DPP10: variants seen among roughly 807,000 people sequenced by gnomAD.
DPP10 encodes dipeptidyl peptidase like 10, also known as inactive dipeptidyl peptidase 10.
A neutral mutation model predicts 120.9 loss-of-function variants in DPP10; 33 were observed. The ratio of observed to expected loss-of-function variants is 0.27; its 90% CI spans 0.21 to 0.37. The LOEUF is 0.37. DPP10 is among the 10% of genes least tolerant of loss of function. The probability of loss-of-function intolerance (pLI) is 1.00; values close to 1 mark genes in which losing one functional copy is unlikely to be tolerated. For missense variants in DPP10, 816 were observed against 942.8 expected (o/e 0.87, Z 1.76); for synonymous variants, 337 against 326.1 (o/e 1.03, Z -0.36).
intron 5 of DPP10, among the ~76,000 whole-genome samples, chr2:115,583,390 C>A (rs1043553316): frequency 2.6e-5 from 4 of 152,132 alleles, no homozygotes; most frequent in Admixed American, 1.3e-4. Flanking sequence ...ACGGAGATTG[C>A]TTGATAGTGT....
chr2:114,582,485 G>A (rs1449162733), intron 1 of DPP10, among the ~76,000 whole-genome samples: 1 of 152,186 alleles, frequency 6.6e-6, no homozygotes, highest in East Asian at 1.9e-4. Flanking sequence ...CATATGGTAA[G>A]AGTATGTTTA....
At chr2:115,738,517 A>C (rs1240629839) in intron 8 of DPP10, among the ~76,000 whole-genome samples, 3 of 152,136 alleles carry the variant, frequency 2.0e-5, no homozygotes, top group Non-Finnish European at 4.4e-5. Context: ...GACAGGCATT[A>C]CAAGATTTGA....
At chr2:115,178,569 TAAA>T (rs906242188) in intron 1 of DPP10, among the ~76,000 whole-genome samples, 9 of 152,082 alleles carry the variant, frequency 5.9e-5, no homozygotes, top group African/African-American at 2.2e-4. Flanking sequence ...ATAAAGAAAA[TAAA>T]TTGATGGTTA....
At chr2:114,543,063 C>A (rs1444351045) in intron 1 of DPP10, among the ~76,000 whole-genome samples, 4 of 152,214 alleles carry the variant, frequency 2.6e-5, no homozygotes, top group South Asian at 2.1e-4. Flanking sequence ...CTGAGTTAAT[C>A]CTGCTAGAGG....
In DPP10 at chr2:115,133,768, T is replaced by C. The variant is rs538486352; in HGVS notation, c.61-175471T>C. 1.3e-4 allele frequency among the ~76,000 whole-genome samples: 20 copies of C among 152,292 alleles called. No individual in the cohort carries two copies. In the South Asian group the frequency reaches 3.5e-3, roughly 27 times the overall value. ...AGGTGAAGACCATTTTGGACGCAAATGAGCTAAACTGCTTATCTATTTGTG... is the reference window on the plus strand; with the variant it reads ...AGGTGAAGACCATTTTGGACGCAAACGAGCTAAACTGCTTATCTATTTGTG... On this transcript the variant is annotated intron_variant, in intron 1 of 25. Transcript: ENST00000410059.
At chr2:115,684,079 A>G (rs926260005) in intron 5 of DPP10, among the ~76,000 whole-genome samples, 2 of 151,986 alleles carry the variant, frequency 1.3e-5, no homozygotes, top group African/African-American at 4.8e-5. Flanking sequence ...TTAAGGTTAT[A>G]GTGAACATTA....
At chr2:114,626,198 T>C (rs1388037384) in intron 1 of DPP10, among the ~76,000 whole-genome samples, 1 of 151,830 alleles carries the variant, frequency 6.6e-6, no homozygotes, top group Non-Finnish European at 1.5e-5. Flanking sequence ...CACTACAAAA[T>C]TACCACCACC....
Position 114,840,497 on chromosome 2 carries a change from C to T in DPP10, c.60+397659C>T, listed in dbSNP as rs115349047. 6.6e-3 allele frequency among the ~76,000 whole-genome samples: 1,002 copies of T among 152,084 alleles called. 11 individuals carry two copies. The highest frequency in any genetic ancestry group is 0.022 in the African/African-American group (925 of 41,478). ...CCTCTCCTGCGAACTAAAAAGACCT[C>T]GAATTTTAAAATATAATCAAAACCC... On this transcript the variant is annotated intron_variant, in intron 1 of 25. Coordinates refer to ENST00000410059, the MANE Select transcript of DPP10 (RefSeq NM_020868.6).
intron 1 of DPP10, among the ~76,000 whole-genome samples, chr2:114,514,493 G>A (rs1430100): frequency 0.51 from 77,507 of 151,922 alleles, 20,190 homozygotes; most frequent in Admixed American, 0.62. Context: ...TTAGTTCTCT[G>A]TTTTCCTGGG....
intron 17 of DPP10, among the ~76,000 whole-genome samples, chr2:115,788,172 T>C (rs1227064578): frequency 6.6e-6 from 1 of 152,132 alleles, no homozygotes; most frequent in African/African-American, 2.4e-5. Context: ...TACGTGTAAC[T>C]ACAGCTGTGA....
chr2:114,536,913 A>G (rs936266563), intron 1 of DPP10, among the ~76,000 whole-genome samples: 2 of 152,202 alleles, frequency 1.3e-5, no homozygotes, highest in Non-Finnish European at 2.9e-5. Flanking sequence ...CAAGCTCTCA[A>G]TAAGTTCACC....
chr2:115,557,736 T>A (rs1044241806), intron 5 of DPP10, among the ~76,000 whole-genome samples: 1 of 152,174 alleles, frequency 6.6e-6, no homozygotes, highest in South Asian at 2.1e-4. Context: ...TAAAGAAAGA[T>A]GGATCAAGGT....
intron 1 of DPP10, among the ~76,000 whole-genome samples, chr2:114,945,017 G>C (rs778715781): frequency 1.3e-5 from 2 of 152,134 alleles, no homozygotes; most frequent in East Asian, 3.9e-4. Context: ...AAATGATATT[G>C]GAGAACTTGA....
intron 1 of DPP10, among the ~76,000 whole-genome samples, chr2:115,081,998 A>C (rs1708311905): frequency 6.6e-6 from 1 of 152,144 alleles, no homozygotes; most frequent in African/African-American, 2.4e-5. Flanking sequence ...ATAAATTTCC[A>C]AGTTTTCATT....
chr2:114,897,456 A>G (rs1214700543), intron 1 of DPP10, among the ~76,000 whole-genome samples: 2 of 152,210 alleles, frequency 1.3e-5, no homozygotes, highest in Non-Finnish European at 2.9e-5. Context: ...TCATGTCTAA[A>G]GCACCAAAAG....
chr2:115,501,284 AC>A (rs769254589), intron 4 of DPP10, among the ~76,000 whole-genome samples: 9 of 152,006 alleles, frequency 5.9e-5, no homozygotes, highest in Non-Finnish European at 1.2e-4. Context: ...TTTATTCATT[AC>A]TTTTTTATCT....
intron 7 of DPP10, among the ~76,000 whole-genome samples, chr2:115,712,540 T>TTTTATTTATA (rs778592374): frequency 2.2e-4 from 4 of 18,052 alleles, no homozygotes; most frequent in African/African-American, 4.6e-4. Context: ...GAGTCCTGAA[T>TTTTATTTATA]TAAATATATA....
chr2:115,455,088 CTA>C (rs2105007829), intron 3 of DPP10, among the ~76,000 whole-genome samples: 1 of 150,800 alleles, frequency 6.6e-6, no homozygotes, highest in African/African-American at 2.4e-5. Flanking sequence ...ACATCACAAA[CTA>C]AGAATATAAA....
At chr2:115,602,474 A>T (rs978355584) in intron 5 of DPP10, among the ~76,000 whole-genome samples, 2 of 152,252 alleles carry the variant, frequency 1.3e-5, no homozygotes, top group Non-Finnish European at 2.9e-5. Flanking sequence ...AAAGGAAATG[A>T]TATCATTCAA....
Sources: gnomAD v4.1 joint callset for allele counts (sites outside exome capture counted in the v4.1 genomes callset) on GRCh38, gnomAD v4.1.1 for gene constraint, MANE v1.5 for transcripts, NCBI Gene and HGNC (gene_info 2026-07-23, HGNC 2026-07-21) for gene names.